CORO2B: variants seen among roughly 807,000 people sequenced by gnomAD.
The protein encoded by CORO2B is coronin-2B.
CORO2B carries 26 observed loss-of-function variants against 58.8 expected under a neutral mutation model. The observed-to-expected ratio is 0.44, with a 90% CI of 0.32 to 0.61. CORO2B has a LOEUF of 0.61. Ranked by LOEUF, CORO2B falls within the 20% of genes least tolerant of loss-of-function variation. CORO2B has a pLI of 0.04. For synonymous variants in CORO2B, 242 were observed against 253.8 expected (o/e 0.95, Z 0.44); for missense variants, 460 against 645.1 (o/e 0.71, Z 3.11).
chr15:68,672,775 G>A (rs1389047572), intron 2 of CORO2B, among the ~76,000 whole-genome samples: 1 of 152,112 alleles, frequency 6.6e-6, no homozygotes. Context: ...AGCAAACCAG[G>A]CCCCTTAGGT....
chr15:68,616,027 C>T (rs111291187), intron 1 of CORO2B, among the ~76,000 whole-genome samples: 77 of 152,208 alleles, frequency 5.1e-4, no homozygotes, highest in African/African-American at 1.7e-3. Flanking sequence ...TTACATGCAG[C>T]GGCTCGCTCC....
chr15:68,720,684 G>A (rs1893139339), intron 11 of CORO2B, among the ~76,000 whole-genome samples: 1 of 152,150 alleles, frequency 6.6e-6, no homozygotes, highest in Non-Finnish European at 1.5e-5. Flanking sequence ...GCTCACAACA[G>A]GGTATGTGAG....
At chr15:68,607,230 A>G (rs961269215) in intron 1 of CORO2B, among the ~76,000 whole-genome samples, 5 of 152,078 alleles carry the variant, frequency 3.3e-5, no homozygotes, top group Non-Finnish European at 7.4e-5. Context: ...GTGCCTTCAC[A>G]CTCATGTTTG....
At chr15:68,704,195 G>A (rs1171938683) in intron 3 of CORO2B, among the ~76,000 whole-genome samples, 1 of 150,852 alleles carries the variant, frequency 6.6e-6, no homozygotes, top group African/African-American at 2.4e-5. Context: ...AGCCAAGATT[G>A]CACCACTGCA....
chr15:68,680,289 C>A (rs1902737370), intron 2 of CORO2B, among the ~76,000 whole-genome samples: 1 of 152,150 alleles, frequency 6.6e-6, no homozygotes, highest in South Asian at 2.1e-4. Flanking sequence ...ATGTCTGTAC[C>A]ACTGAGGTTT....
At chr15:68,714,735 C>A in intron 7 of CORO2B, 72 bp downstream of exon 7, 1 of 1,166,406 alleles carries the variant, frequency 8.6e-7, no homozygotes, top group Non-Finnish European at 1.3e-6. Context: ...CCTGCACCTG[C>A]CCCACCCCCT....
chr15:68,604,301 G>T lies in CORO2B; in HGVS notation c.15+25024G>T, dbSNP rs551065265. ...TAGCAGCTTCTACCATCAGGAAATT[G>T]GTTCCATTCTTCATGGTCAGCCCCC... On this transcript the variant is annotated intron_variant, in intron 1 of 11. Coordinates refer to ENST00000261861, the MANE Select transcript of CORO2B (RefSeq NM_006091.5). Among the ~76,000 whole-genome samples, 5 of 152,176 alleles carry T rather than the reference G, an allele frequency of 3.3e-5. No homozygotes were observed. In the East Asian group the frequency reaches 9.7e-4, roughly 29 times the overall value.
At chr15:68,694,296 C>T (rs1892457729) in intron 2 of CORO2B, among the ~76,000 whole-genome samples, 1 of 152,194 alleles carries the variant, frequency 6.6e-6, no homozygotes, top group Non-Finnish European at 1.5e-5. Flanking sequence ...ATATTCTCTT[C>T]ACTAAGTGCT....
In CORO2B at chr15:68,680,097, G is replaced by A. The variant is rs185624504; in HGVS notation, c.217-15043G>A. Among the ~76,000 whole-genome samples the A allele has an allele frequency of 6.4e-4, 98 of 152,202 alleles. No homozygotes were observed. In the East Asian group the frequency reaches 0.015, roughly 24 times the overall value. On this transcript the variant is annotated intron_variant, in intron 2 of 11. Coordinates refer to ENST00000261861, the MANE Select transcript of CORO2B (RefSeq NM_006091.5). ...GCTCTTGGTGGATGGCGGTTCTCTC[G>A]GTGGCTATCCCTAAGAGGCAAGGCA...
intron 1 of CORO2B, among the ~76,000 whole-genome samples, chr15:68,609,675 C>T (rs1383679503): frequency 1.3e-5 from 2 of 152,216 alleles, no homozygotes; most frequent in South Asian, 4.1e-4. Context: ...CCCCACTGCT[C>T]CCTCACTGCC....
At chr15:68,535,667 T>G in the CORO2B span, among the ~76,000 whole-genome samples, 1 of 152,120 alleles carries the variant, frequency 6.6e-6, no homozygotes, top group African/African-American at 2.4e-5. Context: ...AAGGTAATAT[T>G]TTGTGAATCT....
intron 1 of CORO2B, among the ~76,000 whole-genome samples, chr15:68,620,016 A>T (rs1900473144): frequency 6.6e-6 from 1 of 150,922 alleles, no homozygotes; most frequent in African/African-American, 2.4e-5. Context: ...GGTTCAAGCA[A>T]CTCTCCTGCC....
chr15:68,642,920 A>G (rs1381602115), intron 1 of CORO2B, among the ~76,000 whole-genome samples: 1 of 152,224 alleles, frequency 6.6e-6, no homozygotes, highest in African/African-American at 2.4e-5. Flanking sequence ...CGTCTGTGGA[A>G]ACTGTGGCAT....
chr15:68,655,174 T>A (rs373331789), intron 2 of CORO2B, among the ~76,000 whole-genome samples: 14 of 152,348 alleles, frequency 9.2e-5, no homozygotes, highest in African/African-American at 3.4e-4. Context: ...TTTACCACAG[T>A]GCCTGGCGTA....
At chr15:68,632,947 A>G (rs1164041832) in intron 1 of CORO2B, among the ~76,000 whole-genome samples, 1 of 152,236 alleles carries the variant, frequency 6.6e-6, no homozygotes, top group Admixed American at 6.5e-5. Flanking sequence ...TAAATGCAGA[A>G]CAGTGCACTA....
chr15:68,661,370 TG>T (rs1902008953), intron 2 of CORO2B, among the ~76,000 whole-genome samples: 1 of 152,174 alleles, frequency 6.6e-6, no homozygotes, highest in South Asian at 2.1e-4. Context: ...GTTGAACTCA[TG>T]GGGTTCTGGG....
chr15:68,604,358 A>G (rs954644322), intron 1 of CORO2B, among the ~76,000 whole-genome samples: 2 of 152,150 alleles, frequency 1.3e-5, no homozygotes, highest in Admixed American at 6.5e-5. Flanking sequence ...CCACGAGCAG[A>G]ACAAGTGTGT....
the CORO2B span, among the ~76,000 whole-genome samples, chr15:68,527,942 T>C: frequency 3.3e-5 from 5 of 152,152 alleles, no homozygotes; most frequent in Non-Finnish European, 5.9e-5. Flanking sequence ...TTGTTGTTGG[T>C]AGAGAAAAAC....
At chr15:68,717,229 G>A (rs910334781) in intron 8 of CORO2B, among the ~76,000 whole-genome samples, 2 of 151,624 alleles carry the variant, frequency 1.3e-5, no homozygotes, top group African/African-American at 4.9e-5. Context: ...CAGGAGAATC[G>A]CTTGAACCCG....
Sources: allele counts gnomAD v4.1 joint callset (sites outside exome capture counted in the v4.1 genomes callset), GRCh38; gene constraint gnomAD v4.1.1; transcripts MANE v1.5; gene names NCBI Gene and HGNC (gene_info 2026-07-23, HGNC 2026-07-21).